The following RNF170 variants were observed in gnomAD, a reference collection of about 807,000 sequenced individuals.
The protein encoded by RNF170 is ring finger protein 170.
RNF170 carries 12 observed loss-of-function variants against 32.7 expected under a neutral mutation model. That is an observed-to-expected ratio of 0.37 (90% CI 0.24 to 0.60). The LOEUF is 0.60. Ranked by LOEUF, RNF170 falls within the 20% of genes least tolerant of loss-of-function variation. RNF170 has a pLI of 0.72. For missense variants in RNF170, 212 were observed against 311.2 expected (o/e 0.68, Z 2.40); for synonymous variants, 91 against 103.6 (o/e 0.88, Z 0.74).
rs965245700 is a variant in RNF170 at position 42,863,732 on chromosome 8, G to A, written c.396+1684C>T. Among the ~76,000 whole-genome samples the A allele has an allele frequency of 2.6e-5, 4 of 152,160 alleles. No homozygotes were observed. The South Asian group carries it at 8.3e-4, about 31-fold the overall frequency. ...TAGGATTACAGGCGTGAGCCATCACGCCCGGCCATAAGCTTCAATGTTGAC... is the reference window on the plus strand; with the variant it reads ...TAGGATTACAGGCGTGAGCCATCACACCCGGCCATAAGCTTCAATGTTGAC... On this transcript the variant is annotated intron_variant, in intron 5 of 6. Transcript: ENST00000527424.
At chr8:42,851,458 G>A (rs900080007), downstream of RNF170, among the ~76,000 whole-genome samples, 5 of 151,732 alleles carry the variant, frequency 3.3e-5, no homozygotes, top group South Asian at 2.1e-4. Flanking sequence ...CCAGCTACTC[G>A]GGAGACTGAG....
At chr8:42,889,620 CAA>C (rs1806128599) in intron 1 of RNF170, among the ~76,000 whole-genome samples, 1 of 152,122 alleles carries the variant, frequency 6.6e-6, no homozygotes, top group South Asian at 2.1e-4. Context: ...GAAACCTACG[CAA>C]ACAGATGAAA....
chr8:42,889,765 CAA>C (rs1806143154), intron 1 of RNF170, among the ~76,000 whole-genome samples: 1 of 152,142 alleles, frequency 6.6e-6, no homozygotes, highest in Non-Finnish European at 1.5e-5. Context: ...TATTTTCATT[CAA>C]AAGAACAGTT....
At chr8:42,880,038 T>G (rs540502186) in intron 2 of RNF170, among the ~76,000 whole-genome samples, 1 of 152,124 alleles carries the variant, frequency 6.6e-6, no homozygotes, top group Non-Finnish European at 1.5e-5. Context: ...TTGGAAGAAG[T>G]TGACTCCAGC....
intron 2 of RNF170, among the ~76,000 whole-genome samples, chr8:42,882,870 T>C (rs1805524665): frequency 6.6e-6 from 1 of 152,104 alleles, no homozygotes; most frequent in Non-Finnish European, 1.5e-5. Context: ...AAGACCAGTC[T>C]GGGCAACATG....
intron 2 of RNF170, among the ~76,000 whole-genome samples, chr8:42,878,992 A>G (rs1170485905): frequency 1.3e-5 from 2 of 152,226 alleles, no homozygotes; most frequent in African/African-American, 4.8e-5. Context: ...ATATCAAACT[A>G]TTTAAACCCA....
At position 42,854,219 on chromosome 8, in the gene RNF170, T is replaced by C; in HGVS notation, c.*1940A>G. The stretch of plus-strand genomic sequence containing the variant: ...TAGGAGTGCCTAAGCTGTCTTACTC[T>C]GATGGAGGTATAATGTAGCACGAAA... On this transcript the variant is annotated 3_prime_UTR_variant, in exon 7 of 7. Transcript: ENST00000527424. The C allele has an allele frequency of 2.3e-6, 3 of 1,287,228 alleles. No individual in the cohort carries two copies. Among genetic ancestry groups the C allele is most frequent in the Non-Finnish European group, 3.0e-6 (3 of 988,694 alleles). 79.7% of individuals were successfully genotyped at this position (1,287,228 alleles called of 1,614,324 possible).
At chr8:42,894,834 G>A (rs1023306449) in intron 1 of RNF170, among the ~76,000 whole-genome samples, 1 of 152,206 alleles carries the variant, frequency 6.6e-6, no homozygotes, top group Non-Finnish European at 1.5e-5. Flanking sequence ...GATTACAGGC[G>A]CGAGACACCG....
At chr8:42,867,581 A>C (rs1056099578) in intron 4 of RNF170, among the ~76,000 whole-genome samples, 7 of 151,284 alleles carry the variant, frequency 4.6e-5, no homozygotes, top group South Asian at 4.2e-4. Flanking sequence ...CAAGACCATC[A>C]TGGCTAACAT....
At chr8:42,864,905 T>C (rs1803966908) in intron 5 of RNF170, among the ~76,000 whole-genome samples, 2 of 151,536 alleles carry the variant, frequency 1.3e-5, no homozygotes, top group South Asian at 4.2e-4. Context: ...CCTTTTGTAG[T>C]GGTATCTCAG....
intron 2 of RNF170, among the ~76,000 whole-genome samples, chr8:42,876,890 C>T (rs1804981584): frequency 6.6e-6 from 1 of 151,368 alleles, no homozygotes; most frequent in Non-Finnish European, 1.5e-5. Flanking sequence ...CTCCTGACCT[C>T]ATGATCTGCC....
At chr8:42,887,701 CTCAAT>C (rs1805935632) in intron 2 of RNF170, 22 bp downstream of exon 2, 1 of 1,612,692 alleles carries the variant, frequency 6.2e-7, no homozygotes, top group Non-Finnish European at 8.5e-7. Flanking sequence ...TGCAAATCTA[CTCAAT>C]TCTTTTGTCC....
chr8:42,869,946 C>T, intron 4 of RNF170, 58 bp downstream of exon 4: 1 of 1,220,568 alleles, frequency 8.2e-7, no homozygotes. Context: ...AGCCTTTGTA[C>T]ACATAGAGGT....
Position 42,887,640 on chromosome 8 carries a change from T to C in RNF170, c.137+88A>G, listed in dbSNP as rs931190573. 4.3e-6 allele frequency: 5 copies of C among 1,164,708 alleles called. No individual in the cohort carries two copies. In the African/African-American group the frequency reaches 7.6e-5, roughly 18 times the overall value. 72.1% of individuals were successfully genotyped at this position (1,164,708 alleles called of 1,614,324 possible). ...ACAATCACTGAGATCTGTTACTTGC[T>C]GTTCATATTAAGTATTATACATTAT... On this transcript the variant is annotated intron_variant, in intron 2 of 6. Coordinates refer to ENST00000527424, the MANE Select transcript of RNF170 (RefSeq NM_030954.4).
At chr8:42,860,859 A>G (rs1359001226) in intron 6 of RNF170, among the ~76,000 whole-genome samples, 1 of 152,134 alleles carries the variant, frequency 6.6e-6, no homozygotes, top group African/African-American at 2.4e-5. Flanking sequence ...CTAGGATTAC[A>G]GGTGCCTGCC....
At chr8:42,877,065 T>C (rs559373223) in intron 2 of RNF170, among the ~76,000 whole-genome samples, 2 of 148,580 alleles carry the variant, frequency 1.3e-5, no homozygotes, top group African/African-American at 5.0e-5. Flanking sequence ...GCCATTCTCC[T>C]GTCTCAGCCT....
upstream of RNF170, chr8:42,896,769 G>GGCGGCGGCGGCGGC (rs1483089106): frequency 6.1e-5 from 9 of 146,346 alleles, no homozygotes; most frequent in African/African-American, 2.2e-4. Context: ...CGGCGGCGGC[G>GGCGGCGGCGGCGGC]GCGGCGGCGC....
At chr8:42,896,748 AGCGGCGGCGGCGGCGGCG>A (rs570533730), upstream of RNF170, 80 of 145,748 alleles carry the variant, frequency 5.5e-4, no homozygotes, top group South Asian at 4.7e-3. Context: ...GCCCGGCGGC[AGCGGCGGCGGCGGCGGCG>A]GCGGCGGCGG....
chr8:42,874,089 A>G, intron 2 of RNF170, 83 bp from the exon 3 acceptor site: 1 of 804,686 alleles, frequency 1.2e-6, no homozygotes. Context: ...TTTCTGACTT[A>G]TAACTACTGG....
Sources: allele counts gnomAD v4.1 joint callset (sites outside exome capture counted in the v4.1 genomes callset), GRCh38; gene constraint gnomAD v4.1.1; transcripts MANE v1.5; gene names NCBI Gene and HGNC (gene_info 2026-07-23, HGNC 2026-07-21).